Variants in TEAD1 observed in about 807,000 individuals in gnomAD.
TEAD1 encodes the protein transcriptional enhancer factor TEF-1.
Under a neutral mutation model 54.9 loss-of-function variants are expected in TEAD1, and 9 were observed. That is an observed-to-expected ratio of 0.16 (90% CI 0.10 to 0.29). The LOEUF is 0.29. Among genes scored for constraint, TEAD1 ranks in the 10% least tolerant of loss-of-function variants. The pLI is 1.00. For missense variants in TEAD1, 387 were observed against 535.9 expected, an observed-to-expected ratio of 0.72 and a Z score of 2.74; for synonymous variants, 200 against 187.8, an observed-to-expected ratio of 1.07 and a Z score of -0.53.
intron 2 of TEAD1, among the ~76,000 whole-genome samples, chr11:12,704,499 A>T (rs1024332183): frequency 6.6e-6 from 1 of 152,242 alleles, no homozygotes; most frequent in Non-Finnish European, 1.5e-5. Flanking sequence ...ACTATTGTCC[A>T]GCTCTTGCTT....
At chr11:12,923,811 C>T (rs1008531962) in intron 10 of TEAD1, among the ~76,000 whole-genome samples, 1 of 152,308 alleles carries the variant, frequency 6.6e-6, no homozygotes, top group Non-Finnish European at 1.5e-5. Flanking sequence ...GGCAGAGGCT[C>T]AACACCTAAA....
intron 2 of TEAD1, among the ~76,000 whole-genome samples, chr11:12,714,361 G>A (rs1944009921): frequency 6.6e-6 from 1 of 152,170 alleles, no homozygotes; most frequent in Admixed American, 6.5e-5. Context: ...CCTCTGTATA[G>A]TGCTCTGGGG....
At chr11:12,682,016 G>A (rs999478886) in intron 2 of TEAD1, among the ~76,000 whole-genome samples, 1 of 152,226 alleles carries the variant, frequency 6.6e-6, no homozygotes, top group African/African-American at 2.4e-5. Context: ...CACCTGTGTA[G>A]GCTTAGGTGC....
chr11:12,832,098 C>G (rs1295969371), intron 3 of TEAD1, among the ~76,000 whole-genome samples: 2 of 152,112 alleles, frequency 1.3e-5, no homozygotes, highest in African/African-American at 4.8e-5. Flanking sequence ...CCCCCCACCC[C>G]CAACCCTCAT....
At chr11:12,703,957 C>T (rs1943759875) in intron 2 of TEAD1, among the ~76,000 whole-genome samples, 1 of 152,092 alleles carries the variant, frequency 6.6e-6, no homozygotes, top group African/African-American at 2.4e-5. Context: ...GGCTAAAACC[C>T]TAAATTCCCT....
intron 3 of TEAD1, among the ~76,000 whole-genome samples, chr11:12,839,535 C>T (rs951741499): frequency 2.0e-5 from 3 of 152,182 alleles, no homozygotes; most frequent in Non-Finnish European, 4.4e-5. Flanking sequence ...TATTATGTCC[C>T]AGGTGCTAGG....
chr11:12,863,357 T>A (rs534758935), intron 4 of TEAD1, among the ~76,000 whole-genome samples: 1 of 152,308 alleles, frequency 6.6e-6, no homozygotes, highest in South Asian at 2.1e-4. Context: ...GTTTGGGGGA[T>A]GCTAGTGGCC....
intron 3 of TEAD1, among the ~76,000 whole-genome samples, chr11:12,813,166 T>G (rs1946342215): frequency 6.6e-6 from 1 of 152,086 alleles, no homozygotes; most frequent in Non-Finnish European, 1.5e-5. Context: ...GGTGGAGCTG[T>G]AGAGGCAGTG....
At chr11:12,905,455 G>A (rs1948501709) in intron 10 of TEAD1, among the ~76,000 whole-genome samples, 1 of 152,168 alleles carries the variant, frequency 6.6e-6, no homozygotes. Context: ...CAGTAGAGTT[G>A]TTAGGAATAT....
intron 3 of TEAD1, among the ~76,000 whole-genome samples, chr11:12,790,841 T>C (rs557747712): frequency 1.3e-5 from 2 of 152,326 alleles, no homozygotes; most frequent in African/African-American, 2.4e-5. Flanking sequence ...CAGGTGACTA[T>C]GGTCAGAAAG....
chr11:12,874,435 C>G (rs1393492898), intron 5 of TEAD1, among the ~76,000 whole-genome samples: 7 of 152,184 alleles, frequency 4.6e-5, no homozygotes, highest in African/African-American at 1.7e-4. Flanking sequence ...ATTTTCCAAA[C>G]ATTGTGTCCA....
At chr11:12,917,846 G>C (rs529282934) in intron 10 of TEAD1, among the ~76,000 whole-genome samples, 2 of 152,138 alleles carry the variant, frequency 1.3e-5, no homozygotes, top group South Asian at 4.1e-4. Context: ...TCTAAGTGTT[G>C]TTTTTTAACA....
intron 2 of TEAD1, among the ~76,000 whole-genome samples, chr11:12,726,676 G>A (rs1039354424): frequency 1.3e-5 from 2 of 152,058 alleles, no homozygotes; most frequent in African/African-American, 4.8e-5. Context: ...GCAACATGGC[G>A]AAACCTCATC....
At chr11:12,770,066 A>G (rs1469950296) in intron 3 of TEAD1, among the ~76,000 whole-genome samples, 2 of 152,238 alleles carry the variant, frequency 1.3e-5, no homozygotes, top group Non-Finnish European at 2.9e-5. Context: ...GGCAAATGTT[A>G]GTTGAAGAGA....
chr11:12,937,251 GTA>G lies in TEAD1; in HGVS notation c.*34_*35del. On this transcript the variant is annotated 3_prime_UTR_variant, in exon 13 of 13. Coordinates refer to ENST00000527636, the MANE Select transcript of TEAD1 (RefSeq NM_021961.6). ...TGGTTATTTATATATATAGATATCT[GTA>G]TATACACACACACATATGTGCACAC... 7.2e-7 allele frequency: 1 copy of G among 1,382,216 alleles called. No homozygotes were observed. The highest frequency in any genetic ancestry group is 1.2e-5 in the South Asian group (1 of 85,274). 85.6% of individuals were successfully genotyped at this position (1,382,216 alleles called of 1,614,324 possible).
chr11:12,718,080 G>A (rs1458451085), intron 2 of TEAD1, among the ~76,000 whole-genome samples: 1 of 152,172 alleles, frequency 6.6e-6, no homozygotes, highest in Non-Finnish European at 1.5e-5. Flanking sequence ...CTAACCTCAT[G>A]CTCTGAGGGT....
intron 7 of TEAD1, 74 bp from the exon 8 acceptor site, chr11:12,881,822 A>T: frequency 1.3e-6 from 2 of 1,513,580 alleles, no homozygotes. Context: ...CTGGGAGGTC[A>T]TGGTGGGGCC....
chr11:12,800,005 C>G (rs1255708767), intron 3 of TEAD1, among the ~76,000 whole-genome samples: 2 of 152,010 alleles, frequency 1.3e-5, no homozygotes, highest in Non-Finnish European at 2.9e-5. Flanking sequence ...CAAGGCTTTT[C>G]TTGATATTTT....
intron 2 of TEAD1, among the ~76,000 whole-genome samples, chr11:12,719,154 C>G (rs890068867): frequency 4.0e-5 from 6 of 151,674 alleles, no homozygotes; most frequent in African/African-American, 1.5e-4. Flanking sequence ...ATTCCCAAGC[C>G]CCCTCCTCCG....
Sources: gnomAD v4.1 joint callset for allele counts (sites outside exome capture counted in the v4.1 genomes callset) on GRCh38, gnomAD v4.1.1 for gene constraint, MANE v1.5 for transcripts, NCBI Gene and HGNC (gene_info 2026-07-23, HGNC 2026-07-21) for gene names.